The following NF2 variants were observed in gnomAD, a reference collection of about 807,000 sequenced individuals.
The protein encoded by NF2 is merlin.
A neutral mutation model predicts 83.7 loss-of-function variants in NF2; 8 were observed. The observed-to-expected ratio is 0.10, with a 90% CI of 0.06 to 0.17. NF2 has a LOEUF of 0.17. Among genes scored for constraint, NF2 ranks in the 10% least tolerant of loss-of-function variants. The pLI is 1.00. For missense variants in NF2, 533 were observed against 744.4 expected, an observed-to-expected ratio of 0.72 and a Z score of 3.31; for synonymous variants, 266 against 269.6, an observed-to-expected ratio of 0.99 and a Z score of 0.13.
rs1219624155 is a variant in NF2 at position 29,694,789 on chromosome 22, T to C, written c.1775T>C (p.Phe592Ser). Residue 592 changes from phenylalanine (F) to serine (S), a missense_variant, in exon 16 of 16, where the codon TTT becomes TCT. Phe to Ser is a radical substitution (Grantham distance 155, BLOSUM62 -2). Around this residue, in one of 3 missense-constraint regions of NF2, gnomAD observed 199 missense variants for 240.7 expected, o/e 0.83. Coordinates refer to ENST00000338641, the MANE Select transcript of NF2 (RefSeq NM_000268.4). The surrounding 1 kb of genome is among the most constrained non-coding windows in gnomAD (Gnocchi z 4.1). The stretch of plus-strand genomic sequence containing the variant: ...AGCGCCAAGTCCCGAGTGGCCTTCT[T>C]TGAAGAGCTCTAGCAGGTGACCCAG... ...LQSAKSRVAF[F>S]EEL is the part of the protein sequence containing the mutation. The C allele has an allele frequency of 1.2e-6, 2 of 1,613,510 alleles. No individual in the cohort carries two copies. Among genetic ancestry groups the C allele is most frequent in the South Asian group, 2.2e-5 (2 of 90,924 alleles).
chr22:29,655,800 A>G, intron 6 of NF2, 124 bp downstream of exon 6: 1 of 791,792 alleles, frequency 1.3e-6, no homozygotes, highest in Non-Finnish European at 2.1e-6. Context: ...CTATAAAAGA[A>G]AAGGGGAGAG....
rs905279374 is a variant in NF2 at position 29,636,552 on chromosome 22, T to A, written c.115-199T>A. Among the ~76,000 whole-genome samples the A allele has an allele frequency of 2.0e-5, 3 of 152,214 alleles. No homozygotes were observed. Among genetic ancestry groups the A allele is most frequent in the African/African-American group, 7.2e-5 (3 of 41,454 alleles). The stretch of plus-strand genomic sequence containing the variant: ...TGTATTGTGTATGCTTTGCAGTGAT[T>A]AAGCCATTAAGCTCTAATTGGTATT... On this transcript the variant is annotated intron_variant, in intron 1 of 15. Coordinates refer to ENST00000338641, the MANE Select transcript of NF2 (RefSeq NM_000268.4). This position sits in a 1 kb window ranked among gnomAD's most constrained non-coding sequence, Gnocchi z 4.4.
intron 12 of NF2, 73 bp from the exon 13 acceptor site, chr22:29,674,763 C>CAGG: frequency 7.4e-7 from 1 of 1,351,390 alleles, no homozygotes; most frequent in East Asian, 2.5e-5. Flanking sequence ...CCCTCCTCTG[C>CAGG]AGGGGTGGGG....
chr22:29,656,546 G>T (rs2066316215), intron 6 of NF2, among the ~76,000 whole-genome samples: 1 of 151,474 alleles, frequency 6.6e-6, no homozygotes, highest in Non-Finnish European at 1.5e-5. Flanking sequence ...CGAGTAGCTG[G>T]GACTACAGGC....
intron 12 of NF2, among the ~76,000 whole-genome samples, chr22:29,674,000 C>T (rs2066888374): frequency 1.3e-5 from 2 of 152,180 alleles, no homozygotes. Flanking sequence ...CACTCATGGC[C>T]AGGTTGAAGG....
At chr22:29,609,854 A>G (rs538171527) in intron 1 of NF2, among the ~76,000 whole-genome samples, 1 of 152,264 alleles carries the variant, frequency 6.6e-6, no homozygotes, top group Admixed American at 6.5e-5. Flanking sequence ...TTTTTTCTGT[A>G]TTTCTGAAAA....
At chr22:29,679,052 T>G (rs141039846) in intron 14 of NF2, among the ~76,000 whole-genome samples, 12 of 152,332 alleles carry the variant, frequency 7.9e-5, no homozygotes, top group African/African-American at 2.9e-4. Context: ...TGTCAGGGGT[T>G]TTGGCTTTTG....
At chr22:29,679,335 G>T (rs2067059691) in intron 14 of NF2, among the ~76,000 whole-genome samples, 1 of 152,094 alleles carries the variant, frequency 6.6e-6, no homozygotes, top group Non-Finnish European at 1.5e-5. Context: ...TTTTTCTTTG[G>T]GCTCTCACAC....
intron 4 of NF2, 107 bp from the exon 5 acceptor site, chr22:29,654,550 T>C (rs2066243263): frequency 1.1e-6 from 1 of 913,170 alleles, no homozygotes; most frequent in South Asian, 1.3e-5. Context: ...TCATCGGAAT[T>C]GAATTGCTCC....
At chr22:29,640,216 AAAAG>A (rs1221050370) in intron 3 of NF2, among the ~76,000 whole-genome samples, 16 of 151,016 alleles carry the variant, frequency 1.1e-4, no homozygotes, top group Non-Finnish European at 2.2e-4. Flanking sequence ...AAAAAAAAAA[AAAAG>A]AGGACTTCAG....
chr22:29,632,170 T>G (rs1390481728), intron 1 of NF2, among the ~76,000 whole-genome samples: 2 of 152,310 alleles, frequency 1.3e-5, no homozygotes, highest in East Asian at 3.9e-4. Flanking sequence ...GTTCTTGATT[T>G]TAGATGGTAG....
At chr22:29,644,632 T>C (rs2065928603) in intron 4 of NF2, among the ~76,000 whole-genome samples, 2 of 152,030 alleles carry the variant, frequency 1.3e-5, no homozygotes, top group African/African-American at 4.8e-5. Context: ...CTGGGCACCA[T>C]TGAGCACTGA....
intron 10 of NF2, among the ~76,000 whole-genome samples, chr22:29,670,204 C>T (rs997517666): frequency 6.6e-6 from 1 of 152,102 alleles, no homozygotes; most frequent in Non-Finnish European, 1.5e-5. Context: ...TGCTATGTTA[C>T]CCAGGCTGAT....
intron 1 of NF2, among the ~76,000 whole-genome samples, chr22:29,617,999 G>GGATT (rs2065121669): frequency 6.6e-6 from 1 of 152,186 alleles, no homozygotes; most frequent in African/African-American, 2.4e-5. Flanking sequence ...TTCATGGAAT[G>GGATT]CATAGTCCCT....
chr22:29,616,029 A>T (rs1159481147), intron 1 of NF2, among the ~76,000 whole-genome samples: 2 of 152,212 alleles, frequency 1.3e-5, no homozygotes, highest in Non-Finnish European at 2.9e-5. Context: ...TTCAACATGG[A>T]TGGACCTTGA....
At position 29,636,997 on chromosome 22, in the gene NF2, C is replaced by T; in HGVS notation, c.240+121C>T. On this transcript the variant is annotated intron_variant, in intron 2 of 15. Transcript: ENST00000338641. This position sits in a 1 kb window ranked among gnomAD's most constrained non-coding sequence, Gnocchi z 4.4. The stretch of plus-strand genomic sequence containing the variant: ...GTATAGTAGAGAAGGGGGCACATTC[C>T]TGAATTAAGTCATGCAGAAAGCAGG... 7.0e-7 allele frequency: 1 copy of T among 1,421,508 alleles called. No homozygotes were observed. Among genetic ancestry groups the T allele is most frequent in the Non-Finnish European group, 9.9e-7 (1 of 1,009,464 alleles). The allele number at this position is 1,421,508 out of a possible 1,614,324, so 88.1% of individuals were successfully genotyped here.
chr22:29,628,475 G>GCAGT (rs1168324330), intron 1 of NF2, among the ~76,000 whole-genome samples: 1 of 151,952 alleles, frequency 6.6e-6, no homozygotes, highest in Non-Finnish European at 1.5e-5. Context: ...AGAGTTGAAG[G>GCAGT]CAGTAATTAA....
intron 1 of NF2, among the ~76,000 whole-genome samples, chr22:29,615,384 G>A (rs1308893970): frequency 1.3e-5 from 2 of 151,924 alleles, no homozygotes; most frequent in Non-Finnish European, 2.9e-5. Flanking sequence ...ACCAGCCTGG[G>A]CAACAGAGTG....
At chr22:29,692,001 T>C (rs1187701640) in intron 15 of NF2, among the ~76,000 whole-genome samples, 1 of 152,168 alleles carries the variant, frequency 6.6e-6, no homozygotes, top group Non-Finnish European at 1.5e-5. Context: ...TGCAGTAAAT[T>C]CTGACTCCGG....
Sources: allele counts gnomAD v4.1 joint callset (sites outside exome capture counted in the v4.1 genomes callset), GRCh38; gene constraint gnomAD v4.1.1; regional missense constraint gnomAD v4.1.1; non-coding constraint Gnocchi (gnomAD v3.1); transcripts MANE v1.5; gene names NCBI Gene and HGNC (gene_info 2026-07-23, HGNC 2026-07-21).